Variants in C5orf46 observed in about 807,000 individuals in gnomAD.
C5orf46 encodes uncharacterized protein C5orf46.
C5orf46 carries 9 observed loss-of-function variants against 8.9 expected under a neutral mutation model. The observed-to-expected ratio is 1.01, with a 90% confidence interval of 0.61 to 1.76. C5orf46 has a LOEUF of 1.76. C5orf46 is among the 40% of genes most tolerant of loss of function. C5orf46 has a pLI of 0.00. For missense variants in C5orf46, 98 were observed against 107.8 expected (o/e 0.91, Z 0.40); for synonymous variants, 47 against 41.4 (o/e 1.14, Z -0.52).
chr5:147,900,246 T>C (rs945854349), intron 2 of C5orf46, among the ~76,000 whole-genome samples: 2 of 152,032 alleles, frequency 1.3e-5, no homozygotes, highest in African/African-American at 4.8e-5. Flanking sequence ...CAGTAGGAAA[T>C]GTAACAATTA....
Position 147,901,624 on chromosome 5 carries a change from C to A in C5orf46, c.215+5G>T. 1 of 1,613,584 alleles carries A rather than the reference C, an allele frequency of 6.2e-7. No individual in the cohort carries two copies. Among genetic ancestry groups the A allele is most frequent in the South Asian group, 1.1e-5 (1 of 90,976 alleles). On this transcript the variant is annotated splice_donor_5th_base_variant and intron_variant, in intron 2 of 3. Transcript: ENST00000318315. The stretch of plus-strand genomic sequence containing the variant: ...ACAAAAAGCAACGTTTTTCTCAGTG[C>A]TTACGTGCTCCTGGACATGGAGCGG...
intron 2 of C5orf46, among the ~76,000 whole-genome samples, chr5:147,899,740 A>G (rs1757639070): frequency 6.6e-6 from 1 of 152,238 alleles, no homozygotes; most frequent in South Asian, 2.1e-4. Context: ...AGTATTAACA[A>G]GAATGGTCAT....
chr5:147,906,521 C>A lies in C5orf46; in HGVS notation c.-20G>T. 1 of 1,583,024 alleles carries A rather than the reference C, an allele frequency of 6.3e-7. No homozygotes were observed. The highest frequency in any genetic ancestry group is 1.1e-5 in the South Asian group (1 of 89,472). The stretch of plus-strand genomic sequence containing the variant: ...AGCCATTCTGGTAGCACGGGGTATT[C>A]GTGCAGATAAATTGTTCAGATACAT... On this transcript the variant is annotated 5_prime_UTR_variant, in exon 1 of 4. Transcript: ENST00000318315.
At chr5:147,892,404 A>G (rs775440647), downstream of C5orf46, among the ~76,000 whole-genome samples, 10 of 152,322 alleles carry the variant, frequency 6.6e-5, no homozygotes, top group Non-Finnish European at 1.0e-4. Flanking sequence ...AGCATAGGAG[A>G]GTGGGCTCAG....
intron 2 of C5orf46, among the ~76,000 whole-genome samples, chr5:147,897,493 C>T (rs1201029696): frequency 6.6e-6 from 1 of 152,190 alleles, no homozygotes; most frequent in Non-Finnish European, 1.5e-5. Context: ...AAATTTGGCT[C>T]TCCAGAGTCA....
chr5:147,901,686 C>G lies in C5orf46; in HGVS notation c.158G>C (p.Gly53Ala). The change falls in exon 2 of 4, where the codon GGC (glycine) becomes GCC (alanine). Residue 53 changes from glycine (G) to alanine (A), a missense_variant. Coordinates refer to ENST00000318315, the MANE Select transcript of C5orf46 (RefSeq NM_206966.3). ...PDFPKFLSLL[G>A]TEIIENAVEF... ...GACTGCATTCTCAATGATCTCTGTG[C>G]CCAGGAGGCTTAGGAATTTGGGGAA... 6.2e-7 allele frequency: 1 copy of G among 1,613,990 alleles called. No homozygotes were observed.
intron 2 of C5orf46, among the ~76,000 whole-genome samples, chr5:147,901,020 C>T (rs1166343675): frequency 1.3e-5 from 2 of 152,158 alleles, no homozygotes; most frequent in Non-Finnish European, 2.9e-5. Flanking sequence ...GGCAGTCTCT[C>T]ATGATGAAAA....
At chr5:147,899,285 G>A (rs143551437) in intron 2 of C5orf46, among the ~76,000 whole-genome samples, 139 of 152,234 alleles carry the variant, frequency 9.1e-4, no homozygotes, top group East Asian at 3.7e-3. Flanking sequence ...TTCACAATCC[G>A]TGTCCCTGCT....
intron 1 of C5orf46, among the ~76,000 whole-genome samples, chr5:147,904,833 A>C (rs1347642549): frequency 6.7e-6 from 1 of 149,598 alleles, no homozygotes; most frequent in Non-Finnish European, 1.5e-5. Context: ...ATATATCTAT[A>C]TATATATACA....
chr5:147,899,191 T>C (rs1757629856), intron 2 of C5orf46, among the ~76,000 whole-genome samples: 1 of 152,184 alleles, frequency 6.6e-6, no homozygotes, highest in Non-Finnish European at 1.5e-5. Context: ...TTTTTATTTA[T>C]GGCATTGTGC....
chr5:147,895,321 T>C (rs1219551593), intron 3 of C5orf46, among the ~76,000 whole-genome samples: 3 of 152,100 alleles, frequency 2.0e-5, no homozygotes. Flanking sequence ...TCCTTCTCCC[T>C]AGTTTAATGT....
chr5:147,901,647 C>T lies in C5orf46; in HGVS notation c.197G>A (p.Arg66His), dbSNP rs182199345. The stretch of plus-strand genomic sequence containing the variant: ...TGCTTACGTGCTCCTGGACATGGAG[C>T]GGAGGATGAACTCGACTGCATTCTC... ...IIENAVEFILRSMSRSTGFME... is the reference protein window; with the variant it reads ...IIENAVEFILHSMSRSTGFME... Residue 66 changes from arginine to histidine, a missense_variant, in exon 2 of 4, where the codon CGC becomes CAC. Physicochemically the swap from Arg to His is conservative, Grantham distance 29 (BLOSUM62 0). Coordinates refer to ENST00000318315, the MANE Select transcript of C5orf46 (RefSeq NM_206966.3). 92 of 1,613,816 alleles carry T rather than the reference C, an allele frequency of 5.7e-5. No individual in the cohort carries two copies. The East Asian group carries it at 6.0e-4, about 11-fold the overall frequency.
intron 2 of C5orf46, 86 bp downstream of exon 2, chr5:147,901,543 C>A: frequency 8.0e-7 from 1 of 1,242,898 alleles, no homozygotes; most frequent in Non-Finnish European, 1.1e-6. Flanking sequence ...AATTTTGTTT[C>A]TCATGTATTT....
intron 1 of C5orf46, among the ~76,000 whole-genome samples, chr5:147,904,189 C>A (rs902298885): frequency 6.6e-6 from 1 of 152,062 alleles, no homozygotes; most frequent in Non-Finnish European, 1.5e-5. Context: ...GGGAAGGAGG[C>A]GGAAGCGGAA....
At position 147,900,912 on chromosome 5, in the gene C5orf46, A is replaced by G. The variant is rs910633485; in HGVS notation, c.215+717T>C. ...TACAGTGTAGTAGTGTCAAATCAAA[A>G]CTATGTAGGCAAAAATAATATGTAT... On this transcript the variant is annotated intron_variant, in intron 2 of 3. Transcript: ENST00000318315. 2.6e-5 allele frequency among the ~76,000 whole-genome samples: 4 copies of G among 152,314 alleles called. No individual in the cohort carries two copies. The East Asian group carries it at 7.7e-4, about 29-fold the overall frequency.
chr5:147,897,927 G>A (rs532445502), intron 2 of C5orf46, among the ~76,000 whole-genome samples: 2 of 152,246 alleles, frequency 1.3e-5, no homozygotes, highest in African/African-American at 4.8e-5. Context: ...AGTCATTGGG[G>A]CTTCAGGTTG....
chr5:147,901,629 G>A lies in C5orf46; in HGVS notation c.215C>T (p.Thr72Ile), dbSNP rs755537448. ...AAGCAACGTTTTTCTCAGTGCTTACGTGCTCCTGGACATGGAGCGGAGGAT... is the reference window on the plus strand; with the variant it reads ...AAGCAACGTTTTTCTCAGTGCTTACATGCTCCTGGACATGGAGCGGAGGAT... ...EFILRSMSRS[T>I]GFMEFDDNEG... Residue 72 changes from threonine (T) to isoleucine (I), a missense_variant and splice_region_variant, in exon 2 of 4, where the codon ACA (threonine) becomes ATA (isoleucine). By Grantham distance (89) the Thr-to-Ile change is moderately conservative (BLOSUM62 -1). Coordinates refer to ENST00000318315, the MANE Select transcript of C5orf46 (RefSeq NM_206966.3). The A allele has an allele frequency of 3.3e-5, 54 of 1,613,386 alleles. No individual in the cohort carries two copies. Among genetic ancestry groups the A allele is most frequent in the African/African-American group, 3.3e-4 (25 of 74,868 alleles).
chr5:147,901,750 C>G lies in C5orf46; in HGVS notation c.94G>C (p.Asp32His). 1 of 1,613,928 alleles carries G rather than the reference C, an allele frequency of 6.2e-7. No homozygotes were observed. Among genetic ancestry groups the G allele is most frequent in the East Asian group, 2.2e-5 (1 of 44,844 alleles). The part of the protein sequence containing the change: ...YADDKPDKPD[D>H]KPDDSGKDPK... ...TCTTTGCCCGAGTCGTCTGGCTTGTCGTCTGGCTTGTCTGGTTTGTCGTCT... is the reference window on the plus strand; with the variant it reads ...TCTTTGCCCGAGTCGTCTGGCTTGTGGTCTGGCTTGTCTGGTTTGTCGTCT... The change falls in exon 2 of 4, where the codon GAC (aspartate) becomes CAC (histidine). Residue 32 changes from aspartate to histidine, a missense_variant. Physicochemically the swap from Asp to His is moderately conservative, Grantham distance 81. Coordinates refer to ENST00000318315, the MANE Select transcript of C5orf46 (RefSeq NM_206966.3).
At chr5:147,894,752 G>A (rs1448124290) in intron 3 of C5orf46, among the ~76,000 whole-genome samples, 1 of 145,246 alleles carries the variant, frequency 6.9e-6, no homozygotes, top group African/African-American at 2.6e-5. Context: ...TTAAAGAAAT[G>A]TGTAAAAAAA....
Sources: allele counts gnomAD v4.1 joint callset (sites outside exome capture counted in the v4.1 genomes callset), GRCh38; gene constraint gnomAD v4.1.1; transcripts MANE v1.5; gene names NCBI Gene and HGNC (gene_info 2026-07-23, HGNC 2026-07-21).